The following RALGPS1 variants were observed in gnomAD, a reference collection of about 807,000 sequenced individuals.
RALGPS1 encodes ras-specific guanine nucleotide-releasing factor RalGPS1.
RALGPS1 carries 19 observed loss-of-function variants against 78.8 expected under a neutral mutation model. That is an observed-to-expected ratio of 0.24 (90% CI 0.17 to 0.35). The LOEUF (loss-of-function observed/expected upper bound fraction) is 0.35, where lower values mean the gene tolerates loss of function less well. Among genes scored for constraint, RALGPS1 ranks in the 10% least tolerant of loss-of-function variants. The pLI is 1.00. For missense variants in RALGPS1, 454 were observed against 688.3 expected, an observed-to-expected ratio of 0.66 and a Z score of 3.81; for synonymous variants, 228 against 256.3, an observed-to-expected ratio of 0.89 and a Z score of 1.06.
chr9:126,945,784 A>T (rs1415126375), intron 1 of RALGPS1, among the ~76,000 whole-genome samples: 1 of 152,158 alleles, frequency 6.6e-6, no homozygotes, highest in African/African-American at 2.4e-5. Context: ...CATGGACTGA[A>T]TTCTTTCTGC....
At chr9:126,918,758 C>T (rs1233429807) in intron 1 of RALGPS1, among the ~76,000 whole-genome samples, 3 of 151,380 alleles carry the variant, frequency 2.0e-5, no homozygotes, top group Non-Finnish European at 4.4e-5. Context: ...CAGCAACCTC[C>T]GCCTCCCGGG....
chr9:127,151,427 A>C lies in RALGPS1; in HGVS notation c.611-14642A>C, dbSNP rs955933. Among the ~76,000 whole-genome samples the C allele has an allele frequency of 7.5e-3, 1,143 of 152,252 alleles. 22 individuals are homozygous for C. Among genetic ancestry groups the C allele is most frequent in the African/African-American group, 0.026 (1,076 of 41,542 alleles). On this transcript the variant is annotated intron_variant, in intron 8 of 18. Coordinates refer to ENST00000259351, the MANE Select transcript of RALGPS1 (RefSeq NM_014636.3). ...ATTGACATATCATCAGATGTCCACT[A>C]ATATTTCATGGGTAAACAATCCTTC...
At chr9:126,983,029 C>T (rs1382774697) in intron 4 of RALGPS1, among the ~76,000 whole-genome samples, 3 of 147,336 alleles carry the variant, frequency 2.0e-5, no homozygotes, top group African/African-American at 5.0e-5. Context: ...CTCTGCCTCC[C>T]GGGTTCAAAC....
intron 8 of RALGPS1, among the ~76,000 whole-genome samples, chr9:127,160,597 T>A (rs2139418622): frequency 1.3e-5 from 2 of 152,250 alleles, no homozygotes; most frequent in Non-Finnish European, 2.9e-5. Flanking sequence ...ATGGGGCAGA[T>A]GCCAGCTGCC....
chr9:126,926,036 T>C (rs2035245010), intron 1 of RALGPS1, among the ~76,000 whole-genome samples: 2 of 152,212 alleles, frequency 1.3e-5, no homozygotes, highest in South Asian at 4.1e-4. Flanking sequence ...AATGGACAAA[T>C]TATGTAGTTG....
At chr9:126,949,036 A>G (rs1004372412) in intron 1 of RALGPS1, among the ~76,000 whole-genome samples, 10 of 151,828 alleles carry the variant, frequency 6.6e-5, no homozygotes, top group African/African-American at 1.9e-4. Flanking sequence ...TCATTGTTCA[A>G]TTCCCATCTG....
At chr9:127,127,348 A>G (rs1252537390) in intron 8 of RALGPS1, among the ~76,000 whole-genome samples, 1 of 152,188 alleles carries the variant, frequency 6.6e-6, no homozygotes. Flanking sequence ...ATTGTTATTG[A>G]CCAGAGTAGT....
intron 6 of RALGPS1, among the ~76,000 whole-genome samples, 174 bp downstream of exon 6, chr9:127,050,306 C>G (rs1242885201): frequency 6.6e-6 from 1 of 152,180 alleles, no homozygotes; most frequent in Non-Finnish European, 1.5e-5. Flanking sequence ...TTAGACCTGC[C>G]TGGGTGCTCA....
intron 8 of RALGPS1, chr9:127,087,448 C>T (rs2051893096): frequency 1.3e-5 from 2 of 152,610 alleles, no homozygotes; most frequent in African/African-American, 2.4e-5. Context: ...AAACATGCTA[C>T]ATGGTACACT....
intron 3 of RALGPS1, among the ~76,000 whole-genome samples, chr9:126,972,585 A>G (rs902564099): frequency 2.5e-4 from 38 of 152,162 alleles, no homozygotes; most frequent in African/African-American, 9.2e-4. Flanking sequence ...GGTCTTGCCA[A>G]AGGGATGCAC....
chr9:127,182,375 TC>T (rs1452550792), intron 11 of RALGPS1, among the ~76,000 whole-genome samples: 15 of 124,306 alleles, frequency 1.2e-4, no homozygotes, highest in African/African-American at 4.3e-4. Context: ...CCTTCCTCCC[TC>T]CCTCCCTCCC....
chr9:127,078,009 A>T (rs2050827802), intron 8 of RALGPS1, among the ~76,000 whole-genome samples: 1 of 152,114 alleles, frequency 6.6e-6, no homozygotes, highest in African/African-American at 2.4e-5. Context: ...ACAGGGGCCA[A>T]CTTGCTGCCC....
At chr9:126,957,181 C>T (rs1039391410) in intron 1 of RALGPS1, among the ~76,000 whole-genome samples, 2 of 152,228 alleles carry the variant, frequency 1.3e-5, no homozygotes, top group Non-Finnish European at 2.9e-5. Context: ...AGCGGAGCCA[C>T]CCAGTGAAGC....
At chr9:126,962,407 C>T (rs1321599717) in intron 2 of RALGPS1, 61 bp downstream of exon 2, 34 of 1,548,914 alleles carry the variant, frequency 2.2e-5, no homozygotes, top group Non-Finnish European at 2.9e-5. Flanking sequence ...CTAACCCAGG[C>T]CCCAGCTGAG....
chr9:126,994,278 T>C (rs1040015144), intron 4 of RALGPS1, among the ~76,000 whole-genome samples: 4 of 90,098 alleles, frequency 4.4e-5, no homozygotes, highest in Non-Finnish European at 1.3e-4. Flanking sequence ...TTAAAAGCTT[T>C]GAAAAAAAAA....
chr9:126,970,720 A>T (rs1440387211), intron 3 of RALGPS1, among the ~76,000 whole-genome samples: 2 of 152,204 alleles, frequency 1.3e-5, no homozygotes, highest in Non-Finnish European at 2.9e-5. Context: ...AGCTGTGTGA[A>T]GTTAGAAAAG....
intron 3 of RALGPS1, among the ~76,000 whole-genome samples, chr9:126,971,370 T>A (rs978807002): frequency 2.0e-5 from 3 of 152,052 alleles, no homozygotes; most frequent in African/African-American, 7.2e-5. Flanking sequence ...AGACATATTT[T>A]TTTTTTTACA....
At chr9:127,129,200 T>C (rs1294447576) in intron 8 of RALGPS1, among the ~76,000 whole-genome samples, 2 of 152,226 alleles carry the variant, frequency 1.3e-5, no homozygotes, top group Non-Finnish European at 2.9e-5. Context: ...AGCTGGTGCA[T>C]GGCCCCATCC....
intron 1 of RALGPS1, among the ~76,000 whole-genome samples, chr9:126,926,182 T>C (rs1172845516): frequency 6.6e-6 from 1 of 152,216 alleles, no homozygotes; most frequent in Non-Finnish European, 1.5e-5. Flanking sequence ...TTCTTGAAGG[T>C]GTGGAAGCAA....
Sources: gnomAD v4.1 joint callset for allele counts (sites outside exome capture counted in the v4.1 genomes callset) on GRCh38, gnomAD v4.1.1 for gene constraint, MANE v1.5 for transcripts, NCBI Gene and HGNC (gene_info 2026-07-23, HGNC 2026-07-21) for gene names.